KAZN: variants seen among roughly 807,000 people sequenced by gnomAD.
The protein encoded by KAZN is kazrin, periplakin interacting protein.
KAZN carries 40 observed loss-of-function variants against 87.4 expected under a neutral mutation model. The ratio of observed to expected loss-of-function variants is 0.46; its 90% CI spans 0.36 to 0.60. The LOEUF (loss-of-function observed/expected upper bound fraction) is 0.60. Among genes scored for constraint, KAZN ranks in the 20% least tolerant of loss-of-function variants. The pLI, the probability that KAZN is intolerant of heterozygous loss-of-function variation, is 0.00. For synonymous variants in KAZN, 466 were observed against 458.3 expected, an observed-to-expected ratio of 1.02 and a Z score of -0.22; for missense variants, 898 against 1,073.9, an observed-to-expected ratio of 0.84 and a Z score of 2.29.
chr1:14,749,320 C>G (rs1446915596), intron 1 of KAZN, among the ~76,000 whole-genome samples: 1 of 152,144 alleles, frequency 6.6e-6, no homozygotes, highest in Admixed American at 6.5e-5. Context: ...AGCCTTTCTC[C>G]CATACTACCA....
At position 14,773,769 on chromosome 1, in the gene KAZN, T is replaced by C. The variant is rs1164750702; in HGVS notation, c.226+174546T>C. 2.6e-5 allele frequency among the ~76,000 whole-genome samples: 4 copies of C among 152,154 alleles called. No homozygotes were observed. The highest frequency in any genetic ancestry group is 5.9e-5 in the Non-Finnish European group (4 of 68,020). ...CCTGGGCTTCCGGGGCTGCCATCTC[T>C]AATGAACTCAGCCTTCCTGGGAGCT... is the stretch of plus-strand genomic sequence containing the variant. On this transcript the variant is annotated intron_variant, in intron 1 of 14. Transcript: ENST00000376030. The surrounding 1 kb of genome is among the most constrained non-coding windows in gnomAD (Gnocchi z 5.9).
At chr1:14,568,089 T>G (rs1309789417) in intron 2 of KAZN, among the ~76,000 whole-genome samples, 2 of 152,236 alleles carry the variant, frequency 1.3e-5, no homozygotes, top group Non-Finnish European at 2.9e-5. Context: ...GGGGGATTAC[T>G]GTGGGTGGGC....
At chr1:14,150,885 G>A (rs1645457583) in intron 1 of KAZN, among the ~76,000 whole-genome samples, 1 of 152,048 alleles carries the variant, frequency 6.6e-6, no homozygotes, top group South Asian at 2.1e-4. Context: ...TTCAGTGTGG[G>A]AAATTTGGAA....
At chr1:14,693,789 T>C (rs532945278) in intron 1 of KAZN, among the ~76,000 whole-genome samples, 1 of 152,290 alleles carries the variant, frequency 6.6e-6, no homozygotes, top group East Asian at 1.9e-4. Flanking sequence ...GGACCAGATA[T>C]GTATTTCAAG....
At chr1:14,844,415 C>T (rs74673992) in intron 1 of KAZN, among the ~76,000 whole-genome samples, 3,698 of 152,234 alleles carry the variant, frequency 0.024, 145 homozygotes, top group African/African-American at 0.084. Flanking sequence ...TTATTACTTC[C>T]TCACCTTCCT....
At chr1:13,911,675 C>T (rs955700148) in intron 1 of KAZN, among the ~76,000 whole-genome samples, 4 of 152,170 alleles carry the variant, frequency 2.6e-5, no homozygotes, top group African/African-American at 9.7e-5. Flanking sequence ...TGAAACCTGC[C>T]TCACAACATA....
intron 2 of KAZN, among the ~76,000 whole-genome samples, chr1:14,552,614 A>G (rs1673608970): frequency 6.6e-6 from 1 of 152,184 alleles, no homozygotes. Context: ...TCCCATCACA[A>G]AAGCTGGAGG....
At chr1:14,827,677 G>A (rs922974414) in intron 1 of KAZN, among the ~76,000 whole-genome samples, 1 of 152,230 alleles carries the variant, frequency 6.6e-6, no homozygotes, top group Admixed American at 6.5e-5. Flanking sequence ...CTGGTAAGCA[G>A]CCGCCACTGG....
chr1:14,965,758 C>T (rs1664391738), intron 2 of KAZN, among the ~76,000 whole-genome samples: 1 of 152,134 alleles, frequency 6.6e-6, no homozygotes, highest in Non-Finnish European at 1.5e-5. Flanking sequence ...TTTCATAAGA[C>T]AGCATTTCTT....
At chr1:14,202,794 A>T (rs1646666052) in intron 2 of KAZN, among the ~76,000 whole-genome samples, 1 of 152,150 alleles carries the variant, frequency 6.6e-6, no homozygotes, top group African/African-American at 2.4e-5. Context: ...AGGCAGGCAG[A>T]TCACCTGAGA....
At chr1:13,918,025 G>A (rs1429469216) in intron 1 of KAZN, among the ~76,000 whole-genome samples, 1 of 152,158 alleles carries the variant, frequency 6.6e-6, no homozygotes, top group Non-Finnish European at 1.5e-5. Flanking sequence ...GATGTACAGG[G>A]AGATTAATGT....
At chr1:14,190,983 G>GGAAA (rs1271301065) in intron 2 of KAZN, among the ~76,000 whole-genome samples, 1 of 152,170 alleles carries the variant, frequency 6.6e-6, no homozygotes, top group African/African-American at 2.4e-5. Flanking sequence ...AAGGGGAGCT[G>GGAAA]GAAAGTGGTC....
chr1:15,012,679 T>C (rs780448850), intron 2 of KAZN, among the ~76,000 whole-genome samples: 21 of 152,148 alleles, frequency 1.4e-4, no homozygotes, highest in Non-Finnish European at 2.4e-4. Context: ...CCCAGCACTT[T>C]AGGAGGCTGA....
At chr1:14,396,827 C>T (rs1022534487) in intron 2 of KAZN, among the ~76,000 whole-genome samples, 1 of 152,088 alleles carries the variant, frequency 6.6e-6, no homozygotes, top group Non-Finnish European at 1.5e-5. Context: ...TTGAAAAAGT[C>T]CTGTCACCTA....
intron 1 of KAZN, among the ~76,000 whole-genome samples, chr1:14,085,804 G>A (rs1251440928): frequency 6.6e-6 from 1 of 152,066 alleles, no homozygotes; most frequent in African/African-American, 2.4e-5. Flanking sequence ...TGCTTATATG[G>A]TAAGTGTAAC....
intron 2 of KAZN, among the ~76,000 whole-genome samples, chr1:14,523,941 G>A (rs573738023): frequency 9.2e-5 from 14 of 152,326 alleles, no homozygotes; most frequent in African/African-American, 2.6e-4. Context: ...AAGGGAGAGC[G>A]AGGTGTTGTT....
At chr1:14,935,332 C>G (rs1054533969) in intron 1 of KAZN, among the ~76,000 whole-genome samples, 1 of 152,166 alleles carries the variant, frequency 6.6e-6, no homozygotes. Context: ...CCTCTGCCTC[C>G]TGGGTTCAAG....
chr1:14,548,644 G>C (rs962257856), intron 2 of KAZN, among the ~76,000 whole-genome samples: 3 of 152,038 alleles, frequency 2.0e-5, no homozygotes, highest in African/African-American at 4.8e-5. Flanking sequence ...TTCTATTCCA[G>C]AACCCATCCT....
rs115547395 is a variant in KAZN, at chr1:14,857,454, G to A, written c.227-103230G>A. On this transcript the variant is annotated intron_variant, in intron 1 of 14. Transcript: ENST00000376030. ...CTACTCCTGAGGCTGGACTGCTTGA[G>A]CCCAGGAGGTTGAGGGTGCAGTGAG... Among the ~76,000 whole-genome samples, 757 of 152,196 alleles carry A rather than the reference G, an allele frequency of 5.0e-3. 5 individuals carry two copies. The highest frequency in any genetic ancestry group is 0.017 in the African/African-American group (719 of 41,508).
Sources: allele counts gnomAD v4.1 joint callset (sites outside exome capture counted in the v4.1 genomes callset), GRCh38; gene constraint gnomAD v4.1.1; non-coding constraint Gnocchi (gnomAD v3.1); transcripts MANE v1.5; gene names NCBI Gene and HGNC (gene_info 2026-07-23, HGNC 2026-07-21).